CLDN10: variants seen among roughly 807,000 people sequenced by gnomAD.
CLDN10 encodes the protein claudin-10.
A neutral mutation model predicts 22.9 loss-of-function variants in CLDN10; 15 were observed. The ratio of observed to expected loss-of-function variants is 0.65; its 90% confidence interval spans 0.44 to 1.01. The LOEUF is 1.01. CLDN10 is among the 50% of genes least tolerant of loss of function. CLDN10 has a pLI of 0.00. For missense variants in CLDN10, 247 were observed against 287.8 expected (o/e 0.86, Z 1.03); for synonymous variants, 114 against 111.4 (o/e 1.02, Z -0.15).
chr13:95,461,398 G>A (rs1446551399), intron 1 of CLDN10, among the ~76,000 whole-genome samples: 1 of 152,084 alleles, frequency 6.6e-6, no homozygotes, highest in African/African-American at 2.4e-5. Context: ...ACTTCTTGAG[G>A]CCTTTATTTA....
chr13:95,435,306 G>T (rs1302516196), intron 1 of CLDN10, among the ~76,000 whole-genome samples: 1 of 152,080 alleles, frequency 6.6e-6, no homozygotes. Flanking sequence ...CAGTCAAATA[G>T]TAAAACTGTA....
At chr13:95,484,881 A>AGG (rs1566295067) in intron 1 of CLDN10, among the ~76,000 whole-genome samples, 1 of 128,598 alleles carries the variant, frequency 7.8e-6, no homozygotes, top group African/African-American at 3.0e-5. Context: ...AAAAAAAAAA[A>AGG]AAAAAAAAAA....
intron 1 of CLDN10, among the ~76,000 whole-genome samples, chr13:95,519,769 G>A (rs1236386484): frequency 6.6e-6 from 1 of 152,234 alleles, no homozygotes. Context: ...ATGGAAGTCA[G>A]TATCATTAAA....
At chr13:95,456,861 A>G (rs552423045) in intron 1 of CLDN10, among the ~76,000 whole-genome samples, 1 of 152,376 alleles carries the variant, frequency 6.6e-6, no homozygotes, top group East Asian at 1.9e-4. Context: ...ATCACAAAAA[A>G]GCAAGTTATT....
At chr13:95,473,480 G>A (rs1211791635) in intron 1 of CLDN10, among the ~76,000 whole-genome samples, 2 of 152,226 alleles carry the variant, frequency 1.3e-5, no homozygotes, top group Non-Finnish European at 2.9e-5. Context: ...GATGAGGATG[G>A]GGGGCCAGGG....
chr13:95,436,417 T>A (rs1180443074), intron 1 of CLDN10, among the ~76,000 whole-genome samples: 1 of 152,148 alleles, frequency 6.6e-6, no homozygotes, highest in Non-Finnish European at 1.5e-5. Flanking sequence ...ACTCCTGGGC[T>A]CAAGCAATCC....
At chr13:95,449,944 C>T (rs959494838) in intron 1 of CLDN10, among the ~76,000 whole-genome samples, 39 of 151,886 alleles carry the variant, frequency 2.6e-4, no homozygotes, top group Non-Finnish European at 3.7e-4. Flanking sequence ...GGGGTTTCAC[C>T]GTGTTAGCCA....
intron 1 of CLDN10, among the ~76,000 whole-genome samples, chr13:95,487,852 T>C (rs970425670): frequency 6.6e-6 from 1 of 151,848 alleles, no homozygotes; most frequent in Non-Finnish European, 1.5e-5. Flanking sequence ...TTTTAAAAAA[T>C]TTTTTTGTAG....
intron 1 of CLDN10, among the ~76,000 whole-genome samples, chr13:95,497,468 A>T (rs2042941160): frequency 6.6e-6 from 1 of 152,222 alleles, no homozygotes; most frequent in Admixed American, 6.5e-5. Context: ...CAGCCCTGAC[A>T]GGAAGCAGAG....
chr13:95,433,955 C>T, exon 1 of CLDN10: 1 of 1,614,234 alleles, frequency 6.2e-7, no homozygotes, highest in Non-Finnish European at 8.5e-7. Context: ...ATAACAGCCA[C>T]TTGGGTTTAC....
rs767462636 is a variant in CLDN10 at position 95,577,890 on chromosome 13, T to C, written c.573-10T>C. On this transcript the variant is annotated splice_polypyrimidine_tract_variant and intron_variant, in intron 4 of 4. Transcript: ENST00000299339. ...GAATAGAATCTACCAAACTATGTTT[T>C]ACCTTTCAGATACACATACAACGGG... is the stretch of plus-strand genomic sequence containing the variant. The C allele has an allele frequency of 6.3e-7, 1 of 1,581,250 alleles. No individual in the cohort carries two copies. Among genetic ancestry groups the C allele is most frequent in the Non-Finnish European group, 8.7e-7 (1 of 1,152,114 alleles).
At chr13:95,528,100 G>C (rs185136155) in intron 1 of CLDN10, among the ~76,000 whole-genome samples, 1 of 152,130 alleles carries the variant, frequency 6.6e-6, no homozygotes, top group African/African-American at 2.4e-5. Context: ...TCTCTATAAT[G>C]CCACCATATA....
chr13:95,496,454 T>C lies in CLDN10; in HGVS notation c.214+62407T>C, dbSNP rs548065498. 1.6e-4 allele frequency among the ~76,000 whole-genome samples: 24 copies of C among 152,328 alleles called. No homozygotes were observed. The South Asian group carries it at 4.6e-3, about 29-fold the overall frequency. On this transcript the variant is annotated intron_variant, in intron 1 of 4. Transcript: ENST00000376873. Reference sequence around the variant, plus strand: ...GTATGGGGCATTTTCAAAATTGATTTGATTAAAAAGCACTACCCCTTGTCT... The same window carrying C: ...GTATGGGGCATTTTCAAAATTGATTCGATTAAAAAGCACTACCCCTTGTCT...
upstream of CLDN10, among the ~76,000 whole-genome samples, chr13:95,551,697 A>G (rs2138640212): frequency 6.6e-6 from 1 of 152,306 alleles, no homozygotes; most frequent in African/African-American, 2.4e-5. Context: ...GAAGCTCATA[A>G]CAAAACTGCA....
At chr13:95,523,225 C>T (rs2043240814) in intron 1 of CLDN10, among the ~76,000 whole-genome samples, 1 of 151,548 alleles carries the variant, frequency 6.6e-6, no homozygotes, top group African/African-American at 2.4e-5. Flanking sequence ...TTAGTTGTTC[C>T]CCTAGAGTAC....
chr13:95,461,158 C>A (rs1162814315), intron 1 of CLDN10, among the ~76,000 whole-genome samples: 2 of 151,778 alleles, frequency 1.3e-5, no homozygotes, highest in Non-Finnish European at 2.9e-5. Flanking sequence ...CCCTATGTTG[C>A]CCAGGCCGGT....
intron 1 of CLDN10, among the ~76,000 whole-genome samples, chr13:95,493,221 C>A (rs1027639670): frequency 6.6e-6 from 1 of 152,146 alleles, no homozygotes; most frequent in Non-Finnish European, 1.5e-5. Flanking sequence ...CAGGTACCTT[C>A]CCTGCCCCAC....
chr13:95,577,425 A>G, intron 4 of CLDN10, 87 bp downstream of exon 4: 1 of 893,844 alleles, frequency 1.1e-6, no homozygotes, highest in Non-Finnish European at 1.8e-6. Context: ...GATAGTTCAT[A>G]TGATTCTTAG....
chr13:95,454,458 A>C (rs990348830), intron 1 of CLDN10, among the ~76,000 whole-genome samples: 1 of 151,986 alleles, frequency 6.6e-6, no homozygotes, highest in African/African-American at 2.4e-5. Flanking sequence ...GAGAGGAAGG[A>C]AGGGAAGGAA....
Sources: allele counts gnomAD v4.1 joint callset (sites outside exome capture counted in the v4.1 genomes callset), GRCh38; gene constraint gnomAD v4.1.1; transcripts MANE v1.5; gene names NCBI Gene and HGNC (gene_info 2026-07-23, HGNC 2026-07-21).